Variants in DYNC2I1 observed in about 807,000 individuals in gnomAD.
DYNC2I1 encodes dynein 2 intermediate chain 1, also known as cytoplasmic dynein 2 intermediate chain 1.
A neutral mutation model predicts 133.4 loss-of-function variants in DYNC2I1; 89 were observed. The observed-to-expected ratio is 0.67, with a 90% CI of 0.56 to 0.80. The LOEUF is 0.80. Ranked by LOEUF, DYNC2I1 falls within the 30% of genes least tolerant of loss-of-function variation. The probability of loss-of-function intolerance (pLI) is 0.00; values close to 1 mark genes in which losing one functional copy is unlikely to be tolerated. For synonymous variants in DYNC2I1, 504 were observed against 484.3 expected, an observed-to-expected ratio of 1.04 and a Z score of -0.54; for missense variants, 1,291 against 1,314.5, an observed-to-expected ratio of 0.98 and a Z score of 0.28.
At chr7:158,910,741 G>C (rs1220457694) in intron 11 of DYNC2I1, among the ~76,000 whole-genome samples, 1 of 151,298 alleles carries the variant, frequency 6.6e-6, no homozygotes. Context: ...GAGGGCAGTT[G>C]GCTGTGTCAG....
chr7:158,949,071 C>A (rs1851972288), downstream of DYNC2I1, among the ~76,000 whole-genome samples: 1 of 152,178 alleles, frequency 6.6e-6, no homozygotes, highest in Admixed American at 6.5e-5. Flanking sequence ...CCACGTCTGC[C>A]CCCGAGAGAG....
intron 7 of DYNC2I1, among the ~76,000 whole-genome samples, chr7:158,889,608 A>C (rs1052053592): frequency 1.3e-5 from 2 of 152,020 alleles, no homozygotes; most frequent in Non-Finnish European, 2.9e-5. Context: ...ATAATTTTAA[A>C]TTTTATTTTG....
chr7:158,863,273 C>T (rs576977399), intron 1 of DYNC2I1, among the ~76,000 whole-genome samples: 11 of 152,008 alleles, frequency 7.2e-5, no homozygotes, highest in Middle Eastern at 3.4e-3. Context: ...AGACGCAGAG[C>T]GCTGATTGGT....
At chr7:158,859,885 G>A (rs531943978) in intron 1 of DYNC2I1, among the ~76,000 whole-genome samples, 5 of 152,066 alleles carry the variant, frequency 3.3e-5, no homozygotes, top group Non-Finnish European at 2.9e-5. Flanking sequence ...ATTGCAAGTC[G>A]GTCTTTAACT....
chr7:158,923,858 G>T, intron 17 of DYNC2I1, 125 bp downstream of exon 17: 1 of 1,177,114 alleles, frequency 8.5e-7, no homozygotes, highest in Non-Finnish European at 1.2e-6. Flanking sequence ...TCTGACCCAT[G>T]GGCAAAAGAG....
chr7:158,884,488 G>A (rs2129479988), intron 5 of DYNC2I1, 76 bp from the exon 6 acceptor site: 4 of 1,388,278 alleles, frequency 2.9e-6, no homozygotes, highest in South Asian at 1.3e-5. Context: ...TGCTTGTTTT[G>A]TGGGGTTTAC....
At chr7:158,866,593 A>T (rs1194512646) in intron 1 of DYNC2I1, among the ~76,000 whole-genome samples, 1 of 152,026 alleles carries the variant, frequency 6.6e-6, no homozygotes, top group Non-Finnish European at 1.5e-5. Flanking sequence ...TTAACTTTAA[A>T]CAAATAGTTG....
intron 20 of DYNC2I1, among the ~76,000 whole-genome samples, chr7:158,927,423 G>A (rs1051720099): frequency 1.4e-5 from 2 of 143,034 alleles, no homozygotes; most frequent in Non-Finnish European, 1.5e-5. Flanking sequence ...AAAAAAAAAA[G>A]ATACCAATAA....
At chr7:158,921,310 C>T (rs371518706) in intron 15 of DYNC2I1, among the ~76,000 whole-genome samples, 5 of 152,060 alleles carry the variant, frequency 3.3e-5, no homozygotes, top group Non-Finnish European at 7.4e-5. Flanking sequence ...TGGGTAGAAG[C>T]GAGGAGACCA....
At chr7:158,884,116 C>A (rs1442938784) in intron 5 of DYNC2I1, among the ~76,000 whole-genome samples, 1 of 149,520 alleles carries the variant, frequency 6.7e-6, no homozygotes, top group Non-Finnish European at 1.5e-5. Flanking sequence ...GCAATCTCTG[C>A]TCATTGCAAG....
chr7:158,889,111 C>T (rs1235856008), intron 7 of DYNC2I1, among the ~76,000 whole-genome samples: 3 of 139,428 alleles, frequency 2.2e-5, no homozygotes, highest in Non-Finnish European at 4.6e-5. Flanking sequence ...CATGGGGTCT[C>T]GCTTTGTCAC....
chr7:158,901,116 T>C (rs1223695168), intron 8 of DYNC2I1, among the ~76,000 whole-genome samples: 1 of 152,162 alleles, frequency 6.6e-6, no homozygotes, highest in Non-Finnish European at 1.5e-5. Flanking sequence ...TAATATCTTC[T>C]TGATTGTGCA....
intron 14 of DYNC2I1, among the ~76,000 whole-genome samples, chr7:158,914,994 A>C (rs1847884850): frequency 4.6e-5 from 7 of 152,248 alleles, no homozygotes; most frequent in Admixed American, 4.6e-4. Flanking sequence ...CTTGTATGTA[A>C]GCTCAGCACT....
intron 14 of DYNC2I1, among the ~76,000 whole-genome samples, chr7:158,918,391 A>G (rs1206632828): frequency 1.3e-5 from 2 of 152,216 alleles, no homozygotes; most frequent in African/African-American, 2.4e-5. Context: ...ACCAAAACCC[A>G]GTGAGAGAGA....
At chr7:158,917,414 GT>G (rs1434134625) in intron 14 of DYNC2I1, among the ~76,000 whole-genome samples, 4 of 86,204 alleles carry the variant, frequency 4.6e-5, no homozygotes, top group African/African-American at 2.2e-4. Context: ...AACACCTCCT[GT>G]CCTCCACACT....
At chr7:158,932,782 C>T (rs539362054) in intron 21 of DYNC2I1, among the ~76,000 whole-genome samples, 5 of 152,244 alleles carry the variant, frequency 3.3e-5, no homozygotes, top group African/African-American at 1.2e-4. Context: ...GCAGCAATTA[C>T]AGGTACAGAG....
chr7:158,927,151 C>T, intron 20 of DYNC2I1, 108 bp downstream of exon 20: 2 of 747,746 alleles, frequency 2.7e-6, no homozygotes, highest in Non-Finnish European at 4.4e-6. Context: ...CTGGGAGCCT[C>T]AGCACGTTGG....
intron 23 of DYNC2I1, among the ~76,000 whole-genome samples, chr7:158,938,097 CA>C (rs1850948108): frequency 6.6e-6 from 1 of 152,122 alleles, no homozygotes; most frequent in Non-Finnish European, 1.5e-5. Context: ...ATAAGGAGAT[CA>C]ATATCCAGGT....
At chr7:158,879,421 G>A (rs1393644854) in intron 4 of DYNC2I1, among the ~76,000 whole-genome samples, 1 of 151,990 alleles carries the variant, frequency 6.6e-6, no homozygotes, top group Non-Finnish European at 1.5e-5. Context: ...TATAACCTAC[G>A]CCCTTCCACC....
Sources: allele counts gnomAD v4.1 joint callset (sites outside exome capture counted in the v4.1 genomes callset), GRCh38; gene constraint gnomAD v4.1.1; transcripts MANE v1.5; gene names NCBI Gene and HGNC (gene_info 2026-07-23, HGNC 2026-07-21).